The following DMD variants were observed in gnomAD, a reference collection of about 807,000 sequenced individuals.
The protein encoded by DMD is dystrophin.
In DMD, 63 loss-of-function variants were observed where a neutral mutation model predicts 330.1. The observed-to-expected ratio is 0.19, with a 90% CI of 0.16 to 0.24. The LOEUF (loss-of-function observed/expected upper bound fraction) is 0.24, where lower values mean the gene tolerates loss of function less well. Among genes scored for constraint, DMD ranks in the 10% least tolerant of loss-of-function variants. DMD has a pLI of 1.00. For synonymous variants in DMD, 1,223 were observed against 959.8 expected (o/e 1.27, Z -5.07); for missense variants, 3,344 against 2,684.1 (o/e 1.25, Z -5.43).
chrX:31,812,584 AAAAT>A (rs777377653), intron 50 of DMD, among the ~76,000 whole-genome samples: 64 of 111,541 alleles, frequency 5.7e-4, no homozygotes, highest in East Asian at 5.0e-3. Context: ...AAGTTAAGCA[AAAAT>A]AAATAAATAA....
chrX:31,828,961 T>G (rs1322996452), intron 49 of DMD, among the ~76,000 whole-genome samples: 1 of 111,733 alleles, frequency 8.9e-6, no homozygotes, highest in African/African-American at 3.3e-5. Flanking sequence ...AATTTGCAAT[T>G]GCAAGATATG....
chrX:32,005,184 A>G (rs2095653123), intron 44 of DMD, among the ~76,000 whole-genome samples: 1 of 111,964 alleles, frequency 8.9e-6, no homozygotes, highest in Non-Finnish European at 1.9e-5. Context: ...CTCCCAGAGC[A>G]TATCTAGCCT....
intron 18 of DMD, 144 bp downstream of exon 18, chrX:32,517,864 T>C (rs1183951087): frequency 2.9e-6 from 2 of 686,189 alleles, no homozygotes; most frequent in Non-Finnish European, 4.5e-6. Flanking sequence ...TTGCTTGCTA[T>C]CTAAAATATA....
intron 7 of DMD, among the ~76,000 whole-genome samples, chrX:32,782,853 CG>C (rs2074917016): frequency 9.3e-6 from 1 of 107,246 alleles, no homozygotes; most frequent in Non-Finnish European, 1.9e-5. Context: ...AAACATCTCA[CG>C]TACCATATAT....
At chrX:31,849,622 T>C (rs1158984849) in intron 48 of DMD, among the ~76,000 whole-genome samples, 3 of 110,842 alleles carry the variant, frequency 2.7e-5, no homozygotes, top group Non-Finnish European at 3.8e-5. Context: ...AAGGATCTTG[T>C]ATACCACCCT....
chrX:31,368,402 G>T (rs1264621736), intron 60 of DMD, among the ~76,000 whole-genome samples: 1 of 111,804 alleles, frequency 8.9e-6, no homozygotes, highest in Non-Finnish European at 1.9e-5. Context: ...GAGAGGATGT[G>T]TCCCACTCAG....
At chrX:31,327,850 C>T (rs1006437543) in intron 61 of DMD, among the ~76,000 whole-genome samples, 5 of 112,141 alleles carry the variant, frequency 4.5e-5, no homozygotes, top group Admixed American at 9.4e-5. Context: ...GCTGTATCAA[C>T]GATTTGTTTC....
intron 60 of DMD, among the ~76,000 whole-genome samples, chrX:31,437,410 G>A (rs1017117469): frequency 1.8e-5 from 2 of 111,684 alleles, no homozygotes; most frequent in Non-Finnish European, 3.8e-5. Flanking sequence ...TGATAGAAAT[G>A]CAGAATTGCA....
intron 30 of DMD, among the ~76,000 whole-genome samples, chrX:32,411,243 G>C: frequency 9.0e-6 from 1 of 111,179 alleles, no homozygotes; most frequent in Non-Finnish European, 1.9e-5. Context: ...TGATTCTCCT[G>C]CCTCAGCCTC....
rs199795930 is a variant in DMD at position 32,868,261 on chromosome X, T to TA, written c.94-18442_94-18441insT. Among the ~76,000 whole-genome samples, 1,008 of 111,688 alleles carry TA rather than the reference T, an allele frequency of 9.0e-3. 19 individuals are homozygous for TA. The highest frequency in any genetic ancestry group is 0.032 in the African/African-American group (964 of 30,497). ...CTTGCGAGCCCATGCCAACAGGGCC[T>TA]TGGGTCTCAAAACACAGCTGTGCAG... On this transcript the variant is annotated intron_variant, in intron 2 of 78. Coordinates refer to ENST00000357033, the MANE Select transcript of DMD (RefSeq NM_004006.3).
At chrX:31,453,598 T>C (rs759316808) in intron 59 of DMD, among the ~76,000 whole-genome samples, 8 of 109,998 alleles carry the variant, frequency 7.3e-5, no homozygotes, top group Non-Finnish European at 1.5e-4. Flanking sequence ...AGAGCCAAGA[T>C]AGTAAACTTC....
At chrX:32,155,910 C>T (rs1472885004) in intron 44 of DMD, among the ~76,000 whole-genome samples, 3 of 108,874 alleles carry the variant, frequency 2.8e-5, no homozygotes, top group Non-Finnish European at 5.7e-5. Flanking sequence ...GTAAAAAATG[C>T]AAGGTTTGCT....
chrX:33,177,067 G>A (rs1223039209), intron 1 of DMD, among the ~76,000 whole-genome samples: 1 of 112,460 alleles, frequency 8.9e-6, no homozygotes, highest in African/African-American at 3.2e-5. Context: ...CCCACAGGGA[G>A]CTCTGGAGGG....
At chrX:32,474,856 T>C (rs1196380944) in intron 21 of DMD, among the ~76,000 whole-genome samples, 1 of 111,810 alleles carries the variant, frequency 8.9e-6, no homozygotes, top group East Asian at 2.8e-4. Context: ...CTTTTTAATT[T>C]AAATTAGGTA....
chrX:32,584,604 A>G (rs1412516884), intron 13 of DMD, among the ~76,000 whole-genome samples: 1 of 112,420 alleles, frequency 8.9e-6, no homozygotes, highest in East Asian at 2.8e-4. Context: ...TAATAAAGTA[A>G]TGCTATATGC....
chrX:32,673,500 C>T (rs753446738), intron 9 of DMD, among the ~76,000 whole-genome samples: 28 of 111,591 alleles, frequency 2.5e-4, no homozygotes, highest in Non-Finnish European at 4.0e-4. Context: ...ATAACGTGAA[C>T]GCCTTGAGAG....
chrX:32,583,499 C>T (rs190556484), intron 13 of DMD, among the ~76,000 whole-genome samples: 2 of 110,613 alleles, frequency 1.8e-5, no homozygotes, highest in African/African-American at 6.6e-5. Flanking sequence ...AACTCCATCT[C>T]AAAAAAATAT....
intron 11 of DMD, among the ~76,000 whole-genome samples, chrX:32,627,800 A>G (rs2088523064): frequency 8.9e-6 from 1 of 111,808 alleles, no homozygotes; most frequent in African/African-American, 3.2e-5. Flanking sequence ...TAATTTTATT[A>G]TTTTCACCAA....
Position 33,104,265 on chromosome X carries a change from T to C in DMD, c.32-84065A>G, listed in dbSNP as rs375567894. 8.9e-4 allele frequency among the ~76,000 whole-genome samples: 100 copies of C among 111,878 alleles called. 2 individuals carry two copies. The East Asian group carries it at 0.024, about 27-fold the overall frequency. Reference sequence around the variant, plus strand: ...TTAATAACGTTTTAAAATAATAATGTAGTGTGTTTCTTTTGAATAAAGAGA... The same window carrying C: ...TTAATAACGTTTTAAAATAATAATGCAGTGTGTTTCTTTTGAATAAAGAGA... On this transcript the variant is annotated intron_variant, in intron 1 of 78. Coordinates refer to ENST00000357033, the MANE Select transcript of DMD (RefSeq NM_004006.3).
Sources: allele counts gnomAD v4.1 joint callset (sites outside exome capture counted in the v4.1 genomes callset), GRCh38; gene constraint gnomAD v4.1.1; transcripts MANE v1.5; gene names NCBI Gene and HGNC (gene_info 2026-07-23, HGNC 2026-07-21).